ACP3: variants seen among roughly 807,000 people sequenced by gnomAD.
ACP3 encodes the protein acid phosphatase 3.
ACP3 carries 38 observed loss-of-function variants against 45.6 expected under a neutral mutation model. That is an observed-to-expected ratio of 0.83 (90% CI 0.64 to 1.09). The LOEUF is 1.09. Among genes scored for constraint, ACP3 ranks in the 50% least tolerant of loss-of-function variants. ACP3 has a pLI of 0.00. For synonymous variants in ACP3, 162 were observed against 164.7 expected (o/e 0.98, Z 0.13); for missense variants, 466 against 463.2 (o/e 1.01, Z -0.05).
At chr3:132,360,100 G>A (rs193228822), downstream of ACP3, among the ~76,000 whole-genome samples, 12 of 152,234 alleles carry the variant, frequency 7.9e-5, no homozygotes, top group East Asian at 1.9e-4. Flanking sequence ...ACAGATTTTC[G>A]TTCAGTGTTG....
At chr3:132,327,963 C>G (rs1937328682) in intron 1 of ACP3, among the ~76,000 whole-genome samples, 1 of 152,140 alleles carries the variant, frequency 6.6e-6, no homozygotes, top group Middle Eastern at 3.2e-3. Context: ...GGCTGATCAT[C>G]TTGATTCTTA....
intron 5 of ACP3, 81 bp from the exon 6 acceptor site, chr3:132,342,471 C>CAATT (rs1407869677): frequency 9.9e-7 from 1 of 1,010,956 alleles, no homozygotes; most frequent in East Asian, 2.4e-5. Context: ...CTACAACAAA[C>CAATT]AATTGTCTGG....
chr3:132,341,566 A>C (rs931775313), intron 5 of ACP3, among the ~76,000 whole-genome samples: 16 of 152,204 alleles, frequency 1.1e-4, no homozygotes, highest in African/African-American at 3.9e-4. Flanking sequence ...TTGAACTAAT[A>C]GTTTTATTTT....
chr3:132,327,237 C>T (rs1323984079), intron 1 of ACP3, among the ~76,000 whole-genome samples: 1 of 152,136 alleles, frequency 6.6e-6, no homozygotes, highest in African/African-American at 2.4e-5. Flanking sequence ...AAAATGTTGC[C>T]AGGTGTGGTG....
At position 132,337,496 on chromosome 3, in the gene ACP3, A is replaced by C; in HGVS notation, c.497A>C (p.Glu166Ala). 6.2e-7 allele frequency: 1 copy of C among 1,611,622 alleles called. No homozygotes were observed. Among genetic ancestry groups the C allele is most frequent in the Non-Finnish European group, 8.5e-7 (1 of 1,178,014 alleles). ...TTCAGGAACTGCCCTCGTTTTCAAG[A>C]ACTTGAGAGTGAGACTTTGAAATCA... is the stretch of plus-strand genomic sequence containing the variant. ...LPFRNCPRFQ[E>A]LESETLKSEE... is the part of the protein sequence containing the mutation. Residue 166 changes from glutamate to alanine, a missense_variant, in exon 5 of 10, where the codon GAA becomes GCA. Physicochemically the swap from Glu to Ala is moderately radical, Grantham distance 107. Transcript: ENST00000336375.
chr3:132,367,481 A>C (rs899151162), intron 10 of ACP3, among the ~76,000 whole-genome samples: 1 of 152,042 alleles, frequency 6.6e-6, no homozygotes, highest in Non-Finnish European at 1.5e-5. Flanking sequence ...TTCAGTGGGG[A>C]GCTGAATCTC....
chr3:132,330,256 G>C (rs1332135724), intron 2 of ACP3, among the ~76,000 whole-genome samples: 1 of 152,078 alleles, frequency 6.6e-6, no homozygotes, highest in East Asian at 1.9e-4. Context: ...ATCATAAGAT[G>C]ATGGCTGTCT....
intron 1 of ACP3, among the ~76,000 whole-genome samples, chr3:132,326,431 CCT>C (rs1472859554): frequency 6.6e-6 from 1 of 152,144 alleles, no homozygotes; most frequent in Non-Finnish European, 1.5e-5. Flanking sequence ...CCAAGTCACC[CCT>C]GAGACTAGTA....
chr3:132,344,208 G>A (rs1341608060), intron 6 of ACP3, among the ~76,000 whole-genome samples: 1 of 151,136 alleles, frequency 6.6e-6, no homozygotes, highest in Non-Finnish European at 1.5e-5. Flanking sequence ...AACCCAGGAA[G>A]TGGAGGTTGC....
intron 7 of ACP3, 108 bp downstream of exon 7, chr3:132,345,167 T>G: frequency 9.6e-7 from 1 of 1,043,808 alleles, no homozygotes; most frequent in Non-Finnish European, 1.4e-6. Context: ...GTTCACTTAA[T>G]CACTCTTGCA....
intron 8 of ACP3, among the ~76,000 whole-genome samples, chr3:132,351,051 C>T (rs73215931): frequency 0.12 from 17,964 of 151,996 alleles, 1,345 homozygotes; most frequent in Non-Finnish European, 0.18. Context: ...AAGGTGAAGC[C>T]CCAGATGAAG....
Position 132,348,757 on chromosome 3 carries a change from T to A in ACP3, c.782-1163T>A, listed in dbSNP as rs542938740. On this transcript the variant is annotated intron_variant, in intron 7 of 9. Transcript: ENST00000336375. Reference sequence around the variant, plus strand: ...GATTATCCTATTCATCCTCAAGGAATTTCCAGTATCTTATAGAAAGAGCAG... The same window carrying A: ...GATTATCCTATTCATCCTCAAGGAAATTCCAGTATCTTATAGAAAGAGCAG... 7.2e-5 allele frequency among the ~76,000 whole-genome samples: 11 copies of A among 152,290 alleles called. No homozygotes were observed. The South Asian group carries it at 2.3e-3, about 32-fold the overall frequency.
Position 132,342,616 on chromosome 3 carries a change from G to A in ACP3, c.620G>A (p.Ser207Asn), listed in dbSNP as rs763859920. ...LHGQDLFGIW[S>N]KVYDPLYCES... ...GGCCAGGACCTTTTTGGAATTTGGAGTAAAGTCTACGACCCTTTATATTGT... is the reference window on the plus strand; with the variant it reads ...GGCCAGGACCTTTTTGGAATTTGGAATAAAGTCTACGACCCTTTATATTGT... Residue 207 changes from serine to asparagine, a missense_variant, in exon 6 of 10, where the codon AGT becomes AAT. By Grantham distance (46) the Ser-to-Asn change is conservative (BLOSUM62 1). Coordinates refer to ENST00000336375, the MANE Select transcript of ACP3 (RefSeq NM_001099.5). 4 of 1,609,412 alleles carry A rather than the reference G, an allele frequency of 2.5e-6. No homozygotes were observed. The Admixed American group carries it at 5.0e-5, about 20-fold the overall frequency.
At chr3:132,345,157 G>A in intron 7 of ACP3, 98 bp downstream of exon 7, 2 of 1,145,814 alleles carry the variant, frequency 1.7e-6, no homozygotes. Flanking sequence ...ATCTCAGACA[G>A]TTCACTTAAT....
At chr3:132,360,836 GATCCATAC>G (rs1324576953), downstream of ACP3, among the ~76,000 whole-genome samples, 1 of 152,164 alleles carries the variant, frequency 6.6e-6, no homozygotes, top group Non-Finnish European at 1.5e-5. Flanking sequence ...TTAAAGGCAG[GATCCATAC>G]ATGTTTCCTC....
chr3:132,343,039 G>A (rs1937569734), intron 6 of ACP3, among the ~76,000 whole-genome samples: 1 of 152,166 alleles, frequency 6.6e-6, no homozygotes, highest in Non-Finnish European at 1.5e-5. Flanking sequence ...ATTTCCGAAT[G>A]TAGAAATAAA....
rs1303537122 is a variant in ACP3 at position 132,320,497 on chromosome 3, AC to A, written c.120+2924del. Among the ~76,000 whole-genome samples, 3 of 152,202 alleles carry A rather than the reference AC, an allele frequency of 2.0e-5. No homozygotes were observed. The East Asian group carries it at 5.8e-4, about 29-fold the overall frequency. The stretch of plus-strand genomic sequence containing the variant: ...TCCTGTCTCCCCTAACCCAGAGAAA[AC>A]CCACAAGTTCAGCTGATCCAAGACA... On this transcript the variant is annotated intron_variant, in intron 1 of 9. Transcript: ENST00000336375.
chr3:132,340,766 G>A (rs916501698), intron 5 of ACP3, among the ~76,000 whole-genome samples: 7 of 151,934 alleles, frequency 4.6e-5, no homozygotes, highest in African/African-American at 7.3e-5. Flanking sequence ...CCAAAACTTG[G>A]GTTTTAACTA....
In ACP3 at chr3:132,331,746, GC is replaced by G; in HGVS notation, c.303+15del. Reference sequence around the variant, plus strand: ...TAAACATGAACAGGCAAGTTGGGGAGCCAAGAGTGGGAACTTTGATCTTTGA... The same window carrying G: ...TAAACATGAACAGGCAAGTTGGGGAGCAAGAGTGGGAACTTTGATCTTTGA... On this transcript the variant is annotated intron_variant, in intron 3 of 9. Transcript: ENST00000336375. 6.3e-7 allele frequency: 1 copy of G among 1,577,654 alleles called. No homozygotes were observed. Among genetic ancestry groups the G allele is most frequent in the Non-Finnish European group, 8.6e-7 (1 of 1,158,544 alleles).
Sources: gnomAD v4.1 joint callset for allele counts (sites outside exome capture counted in the v4.1 genomes callset) on GRCh38, gnomAD v4.1.1 for gene constraint, MANE v1.5 for transcripts, NCBI Gene and HGNC (gene_info 2026-07-23, HGNC 2026-07-21) for gene names.